ZNF678: variants seen among roughly 807,000 people sequenced by gnomAD.
ZNF678 encodes hypothetical protein MGC42493.
A neutral mutation model predicts 3.0 loss-of-function variants in ZNF678; 5 were observed. That is an observed-to-expected ratio of 1.69 (90% CI 0.88 to 3.56). The LOEUF is 3.56. Ranked by LOEUF, ZNF678 falls within the 30% of genes most tolerant of loss-of-function variation. ZNF678 has a pLI of 0.00. For missense variants in ZNF678, 593 were observed against 605.0 expected, an observed-to-expected ratio of 0.98 and a Z score of 0.21; for synonymous variants, 218 against 199.6, an observed-to-expected ratio of 1.09 and a Z score of -0.78.
At chr1:227,651,829 C>T (rs1659098874) in intron 3 of ZNF678, among the ~76,000 whole-genome samples, 1 of 152,182 alleles carries the variant, frequency 6.6e-6, no homozygotes, top group South Asian at 2.1e-4. Context: ...CTGCCTCACC[C>T]TCTCAAATAG....
intron 1 of ZNF678, among the ~76,000 whole-genome samples, chr1:227,605,665 A>G (rs1206702386): frequency 9.2e-5 from 14 of 152,182 alleles, no homozygotes. Context: ...TCTGTCAATG[A>G]TGTTATCACA....
chr1:227,568,066 A>G (rs2313245), intron 1 of ZNF678, among the ~76,000 whole-genome samples: 29,678 of 152,116 alleles, frequency 0.2, 3,063 homozygotes, highest in East Asian at 0.25. Flanking sequence ...AGGGGCATAA[A>G]GAGGAATTAT....
At chr1:227,651,426 A>C (rs1006557596) in intron 3 of ZNF678, among the ~76,000 whole-genome samples, 1 of 152,138 alleles carries the variant, frequency 6.6e-6, no homozygotes, top group African/African-American at 2.4e-5. Context: ...TGAGTTATTC[A>C]CCTGCTTCAG....
chr1:227,580,378 A>G (rs1227221974), intron 1 of ZNF678, among the ~76,000 whole-genome samples: 2 of 152,200 alleles, frequency 1.3e-5, no homozygotes, highest in Non-Finnish European at 2.9e-5. Context: ...TTTCACCTTT[A>G]ATACTAAAGC....
At position 227,662,143 on chromosome 1, in the gene ZNF678, A is replaced by G. The variant is rs912213918; in HGVS notation, c.*6315A>G. The G allele has an allele frequency of 6.6e-6, 1 of 152,196 alleles. No individual in the cohort carries two copies. The highest frequency in any genetic ancestry group is 6.5e-5 in the Admixed American group (1 of 15,274). The allele number at this position is 152,196 out of a possible 1,614,324, so 9.4% of individuals were successfully genotyped here. The stretch of plus-strand genomic sequence containing the variant: ...AACATTAATACTTTCAAGCGTTTCT[A>G]TGGTATTTGTCAGCTGTGGAGCAAC... On this transcript the variant is annotated 3_prime_UTR_variant, in exon 4 of 4. Coordinates refer to ENST00000343776, the MANE Select transcript of ZNF678 (RefSeq NM_001367909.1).
intron 1 of ZNF678, among the ~76,000 whole-genome samples, chr1:227,575,866 T>C (rs1282328343): frequency 6.6e-6 from 1 of 152,194 alleles, no homozygotes; most frequent in Non-Finnish European, 1.5e-5. Context: ...TTCAGTATGA[T>C]ATTGGCTGTG....
intron 1 of ZNF678, among the ~76,000 whole-genome samples, chr1:227,635,442 G>A (rs1658650214): frequency 6.6e-6 from 1 of 151,464 alleles, no homozygotes; most frequent in Non-Finnish European, 1.5e-5. Context: ...AATATAGGCA[G>A]TTCAGTTTTT....
intron 1 of ZNF678, among the ~76,000 whole-genome samples, chr1:227,640,069 G>A (rs1571906629): frequency 6.6e-6 from 1 of 152,326 alleles, no homozygotes; most frequent in South Asian, 2.1e-4. Flanking sequence ...GTGCCTGAGC[G>A]AGTATGGGCA....
chr1:227,621,492 T>G (rs1379483554), intron 1 of ZNF678, among the ~76,000 whole-genome samples: 2 of 152,164 alleles, frequency 1.3e-5, no homozygotes, highest in Non-Finnish European at 2.9e-5. Flanking sequence ...ACAGGCAGCT[T>G]TCTTTTGATG....
chr1:227,663,872 T>C (rs1214096399), downstream of ZNF678, among the ~76,000 whole-genome samples: 2 of 152,170 alleles, frequency 1.3e-5, no homozygotes, highest in Admixed American at 1.3e-4. Context: ...CTGATCCCTG[T>C]CTGCAAAGAC....
intron 1 of ZNF678, among the ~76,000 whole-genome samples, chr1:227,605,681 A>G (rs1657848267): frequency 6.6e-6 from 1 of 152,132 alleles, no homozygotes; most frequent in Non-Finnish European, 1.5e-5. Context: ...TCACATCTTG[A>G]TCTTTATTTT....
At chr1:227,592,574 G>A (rs1657444192) in intron 1 of ZNF678, among the ~76,000 whole-genome samples, 1 of 152,222 alleles carries the variant, frequency 6.6e-6, no homozygotes, top group South Asian at 2.1e-4. Flanking sequence ...TGAAAAGCTT[G>A]TTGCTGTTGG....
chr1:227,591,468 A>G (rs1021635822), intron 1 of ZNF678, among the ~76,000 whole-genome samples: 4 of 152,188 alleles, frequency 2.6e-5, no homozygotes, highest in African/African-American at 9.7e-5. Context: ...TTTCTGCCAT[A>G]TAGCCTCTTT....
rs374738391 is a variant in ZNF678, at chr1:227,603,343, C to T, written c.-164+39619C>T. ...AGGTTGGGGGAAGTGCTAGGTGGTT[C>T]GCCTTTATTTGTATGGGGTACTCAG... is the stretch of plus-strand genomic sequence containing the variant. On this transcript the variant is annotated intron_variant, in intron 1 of 3. Coordinates refer to ENST00000343776, the MANE Select transcript of ZNF678 (RefSeq NM_001367909.1). 4.6e-5 allele frequency among the ~76,000 whole-genome samples: 7 copies of T among 152,214 alleles called. No individual in the cohort carries two copies. The East Asian group carries it at 1.2e-3, about 25-fold the overall frequency.
intron 5 of ZNF678, among the ~76,000 whole-genome samples, chr1:227,670,234 A>G (rs959822791): frequency 6.6e-6 from 1 of 152,240 alleles, no homozygotes; most frequent in Non-Finnish European, 1.5e-5. Context: ...TATACCCAAA[A>G]TACCCATGTA....
intron 1 of ZNF678, among the ~76,000 whole-genome samples, chr1:227,628,923 G>A (rs1432820105): frequency 3.3e-5 from 5 of 152,158 alleles, no homozygotes; most frequent in African/African-American, 1.2e-4. Flanking sequence ...GGATGTACAG[G>A]GATGCAGAAA....
intron 1 of ZNF678, among the ~76,000 whole-genome samples, chr1:227,581,851 T>A (rs1052757813): frequency 6.6e-6 from 1 of 152,226 alleles, no homozygotes; most frequent in Non-Finnish European, 1.5e-5. Flanking sequence ...TCTAATGTGG[T>A]CCTTACAATT....
chr1:227,606,701 C>G (rs1657881550), intron 1 of ZNF678, among the ~76,000 whole-genome samples: 1 of 152,164 alleles, frequency 6.6e-6, no homozygotes, highest in African/African-American at 2.4e-5. Flanking sequence ...AATACCCAGC[C>G]TTTCTTGGGC....
chr1:227,596,660 A>G (rs1009344455), intron 1 of ZNF678, among the ~76,000 whole-genome samples: 2 of 152,218 alleles, frequency 1.3e-5, no homozygotes, highest in Non-Finnish European at 2.9e-5. Flanking sequence ...CCTTAGCTGT[A>G]GGTGTGCAGT....
Sources: gnomAD v4.1 joint callset for allele counts (sites outside exome capture counted in the v4.1 genomes callset) on GRCh38, gnomAD v4.1.1 for gene constraint, MANE v1.5 for transcripts, NCBI Gene and HGNC (gene_info 2026-07-23, HGNC 2026-07-21) for gene names.